HSF5: variants seen among roughly 807,000 people sequenced by gnomAD.
The protein encoded by HSF5 is heat shock factor protein 5.
Under a neutral mutation model 50.8 loss-of-function variants are expected in HSF5, and 5 were observed. That is an observed-to-expected ratio of 0.10 (90% CI 0.05 to 0.21). HSF5 has a LOEUF of 0.21. Among genes scored for constraint, HSF5 ranks in the 10% least tolerant of loss-of-function variants. The pLI is 1.00. For synonymous variants in HSF5, 307 were observed against 307.4 expected (o/e 1.00, Z 0.02); for missense variants, 564 against 762.6 (o/e 0.74, Z 3.07).
At chr17:58,450,207 C>T (rs1974617523) in intron 5 of HSF5, among the ~76,000 whole-genome samples, 1 of 150,482 alleles carries the variant, frequency 6.6e-6, no homozygotes, top group Admixed American at 6.6e-5. Context: ...GGCTTGGTGG[C>T]GTGTACCTGT....
chr17:58,472,377 G>A (rs1974960345), intron 2 of HSF5, among the ~76,000 whole-genome samples: 1 of 152,166 alleles, frequency 6.6e-6, no homozygotes, highest in Non-Finnish European at 1.5e-5. Flanking sequence ...CTGGGAAGCT[G>A]AAGTGGGAGG....
intron 3 of HSF5, 64 bp downstream of exon 3, chr17:58,466,821 T>C (rs1974873605): frequency 4.2e-6 from 4 of 950,182 alleles, no homozygotes; most frequent in South Asian, 1.3e-5. Flanking sequence ...CACTTTGAAA[T>C]TTTGCAATAT....
Position 58,462,772 on chromosome 17 carries a change from G to T in HSF5, c.1542+10C>A. 1.3e-6 allele frequency: 2 copies of T among 1,561,524 alleles called. No homozygotes were observed. The highest frequency in any genetic ancestry group is 2.0e-5 in the Admixed American group (1 of 49,032). On this transcript the variant is annotated intron_variant, in intron 4 of 5. Coordinates refer to ENST00000323777, the MANE Select transcript of HSF5 (RefSeq NM_001080439.3). The stretch of plus-strand genomic sequence containing the variant: ...GAGCTTTATAAGCATTTTTTTCTTT[G>T]CCCCCTTACCTGGTGTGTGCTGAAT...
In HSF5 at chr17:58,420,542, TAA is replaced by T. The variant is rs1250965543; in HGVS notation, c.*1816_*1817del. ...TCAAAAGATATTATCTCAACATCTA[TAA>T]AGCTAAGAAAGCCATATTTAGGGGA... On this transcript the variant is annotated 3_prime_UTR_variant, in exon 6 of 6. Transcript: ENST00000323777. 6.6e-6 allele frequency: 1 copy of T among 152,164 alleles called. No homozygotes were observed. Among genetic ancestry groups the T allele is most frequent in the Non-Finnish European group, 1.5e-5 (1 of 68,032 alleles). The allele number at this position is 152,164 out of a possible 1,614,324, so 9.4% of individuals were successfully genotyped here.
chr17:58,474,009 A>T (rs752404973), intron 2 of HSF5, among the ~76,000 whole-genome samples: 28 of 152,128 alleles, frequency 1.8e-4, no homozygotes, highest in South Asian at 2.1e-4. Flanking sequence ...ACACCCAGCT[A>T]ATTTTTCTAT....
chr17:58,482,788 A>G (rs1975117010), intron 1 of HSF5, among the ~76,000 whole-genome samples: 1 of 151,404 alleles, frequency 6.6e-6, no homozygotes, highest in African/African-American at 2.4e-5. Flanking sequence ...TACAAAAAAT[A>G]AAACAATCAG....
chr17:58,428,444 G>T (rs189460218), intron 5 of HSF5, among the ~76,000 whole-genome samples: 1 of 152,266 alleles, frequency 6.6e-6, no homozygotes, highest in East Asian at 1.9e-4. Flanking sequence ...CAGATCACGA[G>T]GTCAGGAGAT....
intron 1 of HSF5, among the ~76,000 whole-genome samples, chr17:58,485,847 A>G (rs1975163766): frequency 6.6e-6 from 1 of 152,058 alleles, no homozygotes; most frequent in Non-Finnish European, 1.5e-5. Context: ...TGGGCGGATC[A>G]CCTGAGGTCA....
Position 58,488,151 on chromosome 17 carries a change from C to T in HSF5, c.124G>A (p.Asp42Asn), listed in dbSNP as rs1398571276. The change falls in exon 1 of 6, where the codon GAT (aspartate) becomes AAT (asparagine). Residue 42 changes from aspartate (D) to asparagine (N), a missense_variant. Around this residue, in one of 5 missense-constraint regions of HSF5, gnomAD observed 72 missense variants for 110.9 expected, o/e 0.65. Transcript: ENST00000323777. The surrounding 1 kb of genome is among the most constrained non-coding windows in gnomAD (Gnocchi z 4.1). ...AGCTCGGCCTCGAAGAGCGGCTGAT[C>T]GATAAGCAGCCCCTCGCCGCGGCCG... is the stretch of plus-strand genomic sequence containing the variant. The part of the protein sequence containing the change: ...WDGRGEGLLI[D>N]QPLFEAELLS... 1 of 1,546,038 alleles carries T rather than the reference C, an allele frequency of 6.5e-7. No homozygotes were observed. Among genetic ancestry groups the T allele is most frequent in the Non-Finnish European group, 8.6e-7 (1 of 1,158,170 alleles).
intron 1 of HSF5, among the ~76,000 whole-genome samples, chr17:58,480,521 A>G (rs1401603639): frequency 6.6e-6 from 1 of 152,168 alleles, no homozygotes; most frequent in African/African-American, 2.4e-5. Context: ...ATTAAATCAA[A>G]TGTTAAATCA....
At chr17:58,439,731 G>A (rs1236412809) in intron 5 of HSF5, among the ~76,000 whole-genome samples, 2 of 152,142 alleles carry the variant, frequency 1.3e-5, no homozygotes, top group South Asian at 2.1e-4. Flanking sequence ...TGATCCGCCC[G>A]CCTTGGCCTC....
chr17:58,430,111 T>C (rs896070201), intron 5 of HSF5, among the ~76,000 whole-genome samples: 34 of 152,114 alleles, frequency 2.2e-4, no homozygotes, highest in South Asian at 2.1e-4. Context: ...ACTCATTCTG[T>C]CTCCCAGGCT....
At position 58,476,215 on chromosome 17, in the gene HSF5, A is replaced by G. The variant is rs570550115; in HGVS notation, c.925+3678T>C. On this transcript the variant is annotated intron_variant, in intron 2 of 5. Transcript: ENST00000323777. ...CATCTTCCTCATTTCCTTCTAATCA[A>G]TATCTTCTAATCCTTCCTTCTCTTC... 1.1e-5 allele frequency: 10 copies of G among 896,364 alleles called. No individual in the cohort carries two copies. In the South Asian group the frequency reaches 1.1e-4, roughly 10 times the overall value. 55.5% of individuals were successfully genotyped at this position (896,364 alleles called of 1,614,324 possible).
At position 58,463,245 on chromosome 17, in the gene HSF5, C is replaced by T. The variant is rs1327083685; in HGVS notation, c.1079G>A (p.Ser360Asn). The T allele has an allele frequency of 3.1e-6, 5 of 1,613,850 alleles. No individual in the cohort carries two copies. The African/African-American group carries it at 5.3e-5, about 17-fold the overall frequency. The change falls in exon 4 of 6, where the codon AGT becomes AAT. Residue 360 changes from serine (S) to asparagine (N), a missense_variant. Coordinates refer to ENST00000323777, the MANE Select transcript of HSF5 (RefSeq NM_001080439.3). Reference protein sequence around the residue: ...VEFLPSNWPCSTTDENTKTEV... With the variant: ...VEFLPSNWPCNTTDENTKTEV... The stretch of plus-strand genomic sequence containing the variant: ...TGTCTTTGTATTTTCATCAGTAGTA[C>T]TGCAGGGCCAATTGGAAGGCAAAAA...
At chr17:58,423,483 CTT>C (rs71143245) in intron 5 of HSF5, among the ~76,000 whole-genome samples, 78 of 106,512 alleles carry the variant, frequency 7.3e-4, no homozygotes, top group African/African-American at 2.5e-3. Context: ...GACCAGGGAG[CTT>C]TTTTTTTTTT....
chr17:58,460,476 T>TAC (rs1370231667), intron 4 of HSF5, among the ~76,000 whole-genome samples: 68 of 114,798 alleles, frequency 5.9e-4, no homozygotes, highest in East Asian at 2.1e-3. Flanking sequence ...TATACATATA[T>TAC]ATACACACAC....
At chr17:58,461,146 G>A (rs1400392691) in intron 4 of HSF5, among the ~76,000 whole-genome samples, 1 of 151,814 alleles carries the variant, frequency 6.6e-6, no homozygotes, top group East Asian at 2.0e-4. Flanking sequence ...CCCAGGAGGT[G>A]GAGGTTGCAG....
At chr17:58,439,488 A>AT (rs879697270) in intron 5 of HSF5, among the ~76,000 whole-genome samples, 152 of 147,028 alleles carry the variant, frequency 1.0e-3, no homozygotes, top group Middle Eastern at 3.5e-3. Flanking sequence ...AGAAGTTATA[A>AT]TTTTTTTTTT....
At chr17:58,475,818 G>A (rs770368442) in intron 2 of HSF5, among the ~76,000 whole-genome samples, 4 of 152,212 alleles carry the variant, frequency 2.6e-5, no homozygotes, top group African/African-American at 4.8e-5. Flanking sequence ...AGAGAGAAGG[G>A]AGGAAGTTTT....
Sources: gnomAD v4.1 joint callset for allele counts (sites outside exome capture counted in the v4.1 genomes callset) on GRCh38, gnomAD v4.1.1 for gene constraint, gnomAD v4.1.1 regional missense constraint, Gnocchi (gnomAD v3.1) non-coding constraint, MANE v1.5 for transcripts, NCBI Gene and HGNC (gene_info 2026-07-23, HGNC 2026-07-21) for gene names.